TMTC2: variants seen among roughly 807,000 people sequenced by gnomAD.
The protein encoded by TMTC2 is protein O-mannosyl-transferase TMTC2.
Under a neutral mutation model 82.4 loss-of-function variants are expected in TMTC2, and 43 were observed. The observed-to-expected ratio is 0.52, with a 90% CI of 0.41 to 0.67. The LOEUF (loss-of-function observed/expected upper bound fraction) is 0.67, where lower values mean the gene tolerates loss of function less well. TMTC2 is among the 30% of genes least tolerant of loss of function. The probability of loss-of-function intolerance (pLI) is 0.00; values close to 1 mark genes in which losing one functional copy is unlikely to be tolerated. For missense variants in TMTC2, 919 were observed against 1,012.4 expected, an observed-to-expected ratio of 0.91 and a Z score of 1.25; for synonymous variants, 408 against 381.9, an observed-to-expected ratio of 1.07 and a Z score of -0.80.
chr12:83,069,852 AGTAGATTTTTGGG>A (rs1883049442), intron 11 of TMTC2, among the ~76,000 whole-genome samples: 1 of 151,048 alleles, frequency 6.6e-6, no homozygotes. Flanking sequence ...ATCCATCTTG[AGTAGATTTTTGGG>A]TAAGGTGAGA....
chr12:83,035,448 GATTGAC>G (rs753878326), intron 9 of TMTC2, among the ~76,000 whole-genome samples: 2 of 152,144 alleles, frequency 1.3e-5, no homozygotes, highest in African/African-American at 2.4e-5. Flanking sequence ...AAAAGTGAAA[GATTGAC>G]ATGGACTCCA....
chr12:82,766,386 A>C (rs1021935830), intron 1 of TMTC2, among the ~76,000 whole-genome samples: 1 of 152,142 alleles, frequency 6.6e-6, no homozygotes, highest in African/African-American at 2.4e-5. Flanking sequence ...AAATGCCCCA[A>C]AGAAAGAAAA....
intron 8 of TMTC2, among the ~76,000 whole-genome samples, chr12:83,025,556 C>T (rs773177422): frequency 2.0e-5 from 3 of 152,116 alleles, no homozygotes; most frequent in Non-Finnish European, 4.4e-5. Context: ...GCCGTTGTCC[C>T]GCAGACACCA....
chr12:83,008,750 C>A (rs905900754), intron 8 of TMTC2, among the ~76,000 whole-genome samples: 5 of 152,054 alleles, frequency 3.3e-5, no homozygotes, highest in African/African-American at 1.2e-4. Context: ...AAATACGCAG[C>A]CTCTAATGTG....
Position 82,930,491 on chromosome 12 carries a change from C to T in TMTC2, c.1544C>T (p.Ala515Val). ...AGCAAAATTTCTGAAGCTGAAAGCG[C>T]CTATAGAAATGCTTTGTACTACCGC... ...SQSKISEAES[A>V]YRNALYYRSN... Residue 515 changes from alanine to valine, a missense_variant, in exon 4 of 12, where the codon GCC (alanine) becomes GTC (valine). By Grantham distance (64) the Ala-to-Val change is moderately conservative. Coordinates refer to ENST00000321196, the MANE Select transcript of TMTC2 (RefSeq NM_152588.3). 6.2e-7 allele frequency: 1 copy of T among 1,604,498 alleles called. No individual in the cohort carries two copies. The highest frequency in any genetic ancestry group is 1.7e-5 in the Admixed American group (1 of 59,830).
intron 11 of TMTC2, among the ~76,000 whole-genome samples, chr12:83,081,891 T>C (rs1883484468): frequency 6.6e-6 from 1 of 151,856 alleles, no homozygotes; most frequent in Non-Finnish European, 1.5e-5. Flanking sequence ...ATAAAAAAAA[T>C]AGCCAGGTGT....
intron 11 of TMTC2, among the ~76,000 whole-genome samples, chr12:83,077,068 A>T (rs966470147): frequency 6.6e-6 from 1 of 152,196 alleles, no homozygotes; most frequent in African/African-American, 2.4e-5. Flanking sequence ...CTATTGTGAT[A>T]GGGGAGAGAG....
intron 11 of TMTC2, among the ~76,000 whole-genome samples, chr12:83,092,317 C>T (rs570434384): frequency 6.6e-6 from 1 of 152,180 alleles, no homozygotes; most frequent in African/African-American, 2.4e-5. Flanking sequence ...ATCCTGCCCC[C>T]CTTAGAGCAT....
chr12:83,095,378 C>T lies in TMTC2; in HGVS notation c.2331+33547C>T, dbSNP rs1248284992. ...GCCTCAGCCTCCCAAGTAGCTGGGA[C>T]TACAGGTGCCCGCCACCATGCCCAG... On this transcript the variant is annotated intron_variant, in intron 11 of 11. Transcript: ENST00000321196. 2.0e-5 allele frequency among the ~76,000 whole-genome samples: 3 copies of T among 151,944 alleles called. No homozygotes were observed. The East Asian group carries it at 5.8e-4, about 29-fold the overall frequency.
rs747960762 is a variant in TMTC2 at position 82,687,557 on chromosome 12, G to A, written c.-30G>A. ...GTTGCCGCTGCTGCCCTCGCGCTGGGAGCCGAGCCGGAGGGAAGGCGGTGG... is the reference window on the plus strand; with the variant it reads ...GTTGCCGCTGCTGCCCTCGCGCTGGAAGCCGAGCCGGAGGGAAGGCGGTGG... On this transcript the variant is annotated 5_prime_UTR_variant, in exon 1 of 12. Coordinates refer to ENST00000321196, the MANE Select transcript of TMTC2 (RefSeq NM_152588.3). 34 of 1,582,744 alleles carry A rather than the reference G, an allele frequency of 2.1e-5. No individual in the cohort carries two copies. Among genetic ancestry groups the A allele is most frequent in the Non-Finnish European group, 2.9e-5 (34 of 1,165,640 alleles).
At chr12:83,028,955 A>C (rs10506887) in intron 8 of TMTC2, among the ~76,000 whole-genome samples, 83,320 of 152,034 alleles carry the variant, frequency 0.55, 24,201 homozygotes, top group South Asian at 0.67. Context: ...TGATTTAACG[A>C]GGAGTTACTG....
At chr12:82,915,860 A>G (rs1337569853) in intron 3 of TMTC2, among the ~76,000 whole-genome samples, 1 of 152,210 alleles carries the variant, frequency 6.6e-6, no homozygotes, top group Non-Finnish European at 1.5e-5. Context: ...CATAAATCAA[A>G]AGGAACTGGT....
At chr12:83,007,094 T>C (rs1880238752) in intron 8 of TMTC2, among the ~76,000 whole-genome samples, 1 of 151,542 alleles carries the variant, frequency 6.6e-6, no homozygotes, top group Admixed American at 6.6e-5. Context: ...TAAAGTATAA[T>C]AGAAAAAAAC....
At chr12:82,731,263 G>T (rs528558553) in intron 1 of TMTC2, among the ~76,000 whole-genome samples, 1 of 152,336 alleles carries the variant, frequency 6.6e-6, no homozygotes, top group East Asian at 1.9e-4. Flanking sequence ...AACCTAACAG[G>T]CTTATCGCTG....
intron 9 of TMTC2, among the ~76,000 whole-genome samples, chr12:83,043,716 A>G (rs1342288683): frequency 6.6e-6 from 1 of 152,150 alleles, no homozygotes; most frequent in African/African-American, 2.4e-5. Context: ...AAGGATAAAT[A>G]TTGTGTTTAT....
At chr12:82,720,073 A>G (rs928472896) in intron 1 of TMTC2, among the ~76,000 whole-genome samples, 2 of 152,166 alleles carry the variant, frequency 1.3e-5, no homozygotes, top group Non-Finnish European at 2.9e-5. Context: ...TTATTGATAC[A>G]TAATTCACAT....
chr12:83,043,771 G>A (rs146951091), intron 9 of TMTC2, among the ~76,000 whole-genome samples: 89 of 152,242 alleles, frequency 5.8e-4, no homozygotes, highest in African/African-American at 2.0e-3. Context: ...GTGTATAGTA[G>A]ACACAATATT....
intron 8 of TMTC2, among the ~76,000 whole-genome samples, chr12:82,993,147 G>C (rs1425834780): frequency 6.6e-6 from 1 of 151,994 alleles, no homozygotes; most frequent in Non-Finnish European, 1.5e-5. Context: ...ACCACGCCTG[G>C]CTAATTTTTG....
chr12:82,802,826 G>T (rs950136361), intron 1 of TMTC2, among the ~76,000 whole-genome samples: 13 of 152,110 alleles, frequency 8.5e-5, no homozygotes, highest in African/African-American at 3.1e-4. Context: ...TAACTCCTTT[G>T]AACAGGCTCT....
Sources: allele counts gnomAD v4.1 joint callset (sites outside exome capture counted in the v4.1 genomes callset), GRCh38; gene constraint gnomAD v4.1.1; transcripts MANE v1.5; gene names NCBI Gene and HGNC (gene_info 2026-07-23, HGNC 2026-07-21).